AUTS2: variants seen among roughly 807,000 people sequenced by gnomAD.
AUTS2 encodes autism susceptibility gene 2 protein.
A neutral mutation model predicts 112.4 loss-of-function variants in AUTS2; 17 were observed. That is an observed-to-expected ratio of 0.15 (90% CI 0.10 to 0.23). The LOEUF is 0.23. Ranked by LOEUF, AUTS2 falls within the 10% of genes least tolerant of loss-of-function variation. The pLI is 1.00. For missense variants in AUTS2, 1,510 were observed against 1,701.6 expected (o/e 0.89, Z 1.98); for synonymous variants, 751 against 702.7 (o/e 1.07, Z -1.09).
At position 70,790,896 on chromosome 7, in the gene AUTS2, TG is replaced by T; in HGVS notation, c.3686del (p.Gly1229AlafsTer16). On this transcript the variant is annotated frameshift_variant, in exon 19 of 19. Coordinates refer to ENST00000342771, the MANE Select transcript of AUTS2 (RefSeq NM_015570.4). LOFTEE classifies it high-confidence loss of function. This position sits in a 1 kb window ranked among gnomAD's most constrained non-coding sequence, Gnocchi z 7.6. ...LSAPPPLIST[L>X]GGRPVSPRRT... is the part of the protein sequence containing the mutation. ...GCACCTCCCCCGCTCATCTCCACGC[TG>T]GGGGGCCGCCCGGTCTCTCCCAGAA... 5.0e-6 allele frequency: 8 copies of T among 1,595,052 alleles called. No individual in the cohort carries two copies. The highest frequency in any genetic ancestry group is 1.1e-5 in the South Asian group (1 of 87,472).
intron 2 of AUTS2, among the ~76,000 whole-genome samples, chr7:69,976,450 T>TAG (rs1403332274): frequency 5.9e-5 from 9 of 152,246 alleles, no homozygotes; most frequent in African/African-American, 2.2e-4. Context: ...ATAGTGATGC[T>TAG]ATAAGACCCT....
At chr7:70,569,783 A>G (rs945478764) in intron 5 of AUTS2, among the ~76,000 whole-genome samples, 3 of 152,210 alleles carry the variant, frequency 2.0e-5, no homozygotes, top group Non-Finnish European at 4.4e-5. Context: ...AGAGATCTAC[A>G]TACTGTATTA....
chr7:69,957,071 G>T (rs1228296788), intron 2 of AUTS2, among the ~76,000 whole-genome samples: 2 of 145,092 alleles, frequency 1.4e-5, no homozygotes, highest in South Asian at 2.2e-4. Context: ...TTTTTTTGGA[G>T]AGACGGGGTT....
intron 1 of AUTS2, among the ~76,000 whole-genome samples, chr7:69,687,673 A>T (rs1322518195): frequency 6.6e-6 from 1 of 152,226 alleles, no homozygotes; most frequent in Non-Finnish European, 1.5e-5. Context: ...CCAGGAGACT[A>T]TCTGAATAAT....
intron 2 of AUTS2, among the ~76,000 whole-genome samples, chr7:70,108,904 G>A (rs1054778182): frequency 2.0e-5 from 3 of 150,984 alleles, no homozygotes; most frequent in African/African-American, 7.3e-5. Flanking sequence ...GAGCCACCAT[G>A]CCCGGCCCAA....
intron 5 of AUTS2, among the ~76,000 whole-genome samples, chr7:70,604,466 C>T (rs1803629538): frequency 1.3e-5 from 2 of 152,180 alleles, no homozygotes; most frequent in African/African-American, 2.4e-5. Flanking sequence ...GCCAGATTTG[C>T]GTTCAGCATG....
In AUTS2 at chr7:70,455,509, C is replaced by T. The variant is rs961306011; in HGVS notation, c.690+19728C>T. Among the ~76,000 whole-genome samples, 7 of 152,170 alleles carry T rather than the reference C, an allele frequency of 4.6e-5. No individual in the cohort carries two copies. In the East Asian group the frequency reaches 9.7e-4, roughly 21 times the overall value. On this transcript the variant is annotated intron_variant, in intron 5 of 18. Transcript: ENST00000342771. ...TACCTGGTAGGCAGCTAGATAGGAA[C>T]GCGGGACTTCCCAGCAGCTGAGCGT...
At chr7:70,709,067 G>A (rs542732878) in intron 6 of AUTS2, among the ~76,000 whole-genome samples, 5 of 151,786 alleles carry the variant, frequency 3.3e-5, no homozygotes, top group South Asian at 2.1e-4. Context: ...ACAGGTGCCC[G>A]CCACCACGCC....
intron 1 of AUTS2, among the ~76,000 whole-genome samples, chr7:69,896,295 C>A (rs180873824): frequency 6.6e-6 from 1 of 152,324 alleles, no homozygotes; most frequent in East Asian, 1.9e-4. Context: ...TTGCTTTGAT[C>A]TCGACTTGTC....
chr7:69,921,393 A>G (rs978807548), intron 2 of AUTS2, among the ~76,000 whole-genome samples: 1 of 151,560 alleles, frequency 6.6e-6, no homozygotes, highest in Admixed American at 6.6e-5. Flanking sequence ...TAAAAGAAAC[A>G]AAAAACATCA....
chr7:70,638,329 G>T (rs547937429), intron 5 of AUTS2, among the ~76,000 whole-genome samples: 1 of 152,254 alleles, frequency 6.6e-6, no homozygotes, highest in South Asian at 2.1e-4. Context: ...TGGGTACCAG[G>T]GAATGGCGCT....
At chr7:69,939,311 C>T (rs1162848891) in intron 2 of AUTS2, among the ~76,000 whole-genome samples, 3 of 152,112 alleles carry the variant, frequency 2.0e-5, no homozygotes, top group African/African-American at 7.2e-5. Flanking sequence ...TTTAAAGGAG[C>T]CCCCTTAAAT....
At chr7:70,189,855 T>C (rs887784874) in intron 4 of AUTS2, among the ~76,000 whole-genome samples, 2 of 152,208 alleles carry the variant, frequency 1.3e-5, no homozygotes, top group Non-Finnish European at 2.9e-5. Context: ...CGTTAGCCAC[T>C]TGTTACCCAT....
At chr7:70,592,089 A>C (rs1370114436) in intron 5 of AUTS2, among the ~76,000 whole-genome samples, 13 of 152,258 alleles carry the variant, frequency 8.5e-5, no homozygotes, top group Non-Finnish European at 1.5e-5. Flanking sequence ...ATATATGCTC[A>C]TTGTAAAAAT....
chr7:70,361,579 G>A (rs752668180), intron 4 of AUTS2, among the ~76,000 whole-genome samples: 14 of 152,042 alleles, frequency 9.2e-5, no homozygotes, highest in Non-Finnish European at 1.3e-4. Context: ...ATGCCTTTAC[G>A]CTTCCTAGAA....
At chr7:69,645,355 G>A (rs1162558179) in intron 1 of AUTS2, among the ~76,000 whole-genome samples, 1 of 152,156 alleles carries the variant, frequency 6.6e-6, no homozygotes. Flanking sequence ...ATGCATATCT[G>A]TAAGTAAGGG....
At chr7:70,470,630 TG>T (rs1797342732) in intron 5 of AUTS2, among the ~76,000 whole-genome samples, 1 of 152,122 alleles carries the variant, frequency 6.6e-6, no homozygotes, top group South Asian at 2.1e-4. Context: ...GGTGCAGTTA[TG>T]TAGAGACTTA....
At chr7:70,105,551 C>A (rs892431443) in intron 2 of AUTS2, among the ~76,000 whole-genome samples, 2 of 152,172 alleles carry the variant, frequency 1.3e-5, no homozygotes, top group African/African-American at 4.8e-5. Context: ...AGCACATACC[C>A]GGACCCACAT....
In AUTS2 at chr7:70,791,987, T is replaced by G. The variant is rs866241849; in HGVS notation, c.*991T>G. ...ACCTCATGTGAGAACCATGCCTTTTTTAGTGTGTCCTATTTCATACCTGTA... is the reference window on the plus strand; with the variant it reads ...ACCTCATGTGAGAACCATGCCTTTTGTAGTGTGTCCTATTTCATACCTGTA... On this transcript the variant is annotated 3_prime_UTR_variant, in exon 19 of 19. Coordinates refer to ENST00000342771, the MANE Select transcript of AUTS2 (RefSeq NM_015570.4). 1.3e-5 allele frequency: 2 copies of G among 152,666 alleles called. No homozygotes were observed. The highest frequency in any genetic ancestry group is 2.4e-5 in the African/African-American group (1 of 41,454). The allele number at this position is 152,666 out of a possible 1,614,324, so 9.5% of individuals were successfully genotyped here.
Sources: allele counts gnomAD v4.1 joint callset (sites outside exome capture counted in the v4.1 genomes callset), GRCh38; gene constraint gnomAD v4.1.1; non-coding constraint Gnocchi (gnomAD v3.1); transcripts MANE v1.5; gene names NCBI Gene and HGNC (gene_info 2026-07-23, HGNC 2026-07-21).